Variants in GSE1 observed in about 807,000 individuals in gnomAD.
GSE1 encodes the protein genetic suppressor element 1.
Under a neutral mutation model 112.6 loss-of-function variants are expected in GSE1, and 32 were observed. The ratio of observed to expected loss-of-function variants is 0.28; its 90% CI spans 0.21 to 0.38. The LOEUF (loss-of-function observed/expected upper bound fraction) is 0.38, where lower values mean the gene tolerates loss of function less well. GSE1 is among the 10% of genes least tolerant of loss of function. The pLI is 1.00. For synonymous variants in GSE1, 1,115 were observed against 735.6 expected (o/e 1.52, Z -8.35); for missense variants, 2,348 against 1,699.2 (o/e 1.38, Z -6.71).
chr16:85,491,667 G>A (rs1311865709), intron 2 of GSE1, among the ~76,000 whole-genome samples: 1 of 152,088 alleles, frequency 6.6e-6, no homozygotes, highest in African/African-American at 2.4e-5. Flanking sequence ...TGGAGGAGGT[G>A]AGAAAAGTGG....
At chr16:85,394,825 C>A (rs112207910) in intron 2 of GSE1, among the ~76,000 whole-genome samples, 1 of 152,228 alleles carries the variant, frequency 6.6e-6, no homozygotes, top group South Asian at 2.1e-4. Flanking sequence ...GCATCCCCCT[C>A]CATGCCAGCC....
chr16:85,253,261 G>C (rs1288319113), intron 1 of GSE1, among the ~76,000 whole-genome samples: 3 of 152,246 alleles, frequency 2.0e-5, no homozygotes, highest in African/African-American at 7.2e-5. Context: ...GTGCCCCTCT[G>C]CCCCAGTCCT....
At chr16:85,175,449 T>C (rs2074442341) in intron 1 of GSE1, among the ~76,000 whole-genome samples, 1 of 152,010 alleles carries the variant, frequency 6.6e-6, no homozygotes, top group Non-Finnish European at 1.5e-5. Context: ...CTGCTGGGAG[T>C]CGGCTGTGTG....
At chr16:85,523,980 G>A (rs977235720) in intron 2 of GSE1, among the ~76,000 whole-genome samples, 7 of 152,166 alleles carry the variant, frequency 4.6e-5, no homozygotes, top group African/African-American at 1.7e-4. Flanking sequence ...GGAGGGGAGG[G>A]CTTTTGGGGT....
chr16:85,531,782 C>T (rs545113289), intron 2 of GSE1, among the ~76,000 whole-genome samples: 1 of 152,324 alleles, frequency 6.6e-6, no homozygotes, highest in South Asian at 2.1e-4. Context: ...ACAATGGGCT[C>T]AGGGAGGGGC....
intron 1 of GSE1, among the ~76,000 whole-genome samples, chr16:85,287,781 T>C (rs1472243793): frequency 2.0e-5 from 3 of 152,148 alleles, no homozygotes; most frequent in African/African-American, 4.8e-5. Flanking sequence ...ACTGACCTTG[T>C]ACCTCTTGTC....
intron 1 of GSE1, among the ~76,000 whole-genome samples, chr16:85,558,257 T>C (rs2045333906): frequency 6.6e-6 from 1 of 152,122 alleles, no homozygotes; most frequent in Admixed American, 6.5e-5. Flanking sequence ...TTCTCGTCTG[T>C]CTCCCCCCGG....
At chr16:85,554,779 G>T (rs191588665), upstream of GSE1, 1,987 of 644,582 alleles carry the variant, frequency 3.1e-3, 40 homozygotes, top group African/African-American at 0.035. Flanking sequence ...CAGTCGTGGG[G>T]GGGGAGGGAG....
intron 2 of GSE1, chr16:85,359,495 C>A (rs907250457): frequency 2.2e-6 from 1 of 446,684 alleles, no homozygotes. Flanking sequence ...TCATCCTGAG[C>A]CTCTGTCCTC....
Position 85,655,721 on chromosome 16 carries a change from C to A in GSE1, c.798-5C>A, listed in dbSNP as rs753060939. 1.3e-6 allele frequency: 2 copies of A among 1,591,532 alleles called. No homozygotes were observed. Among genetic ancestry groups the A allele is most frequent in the Admixed American group, 1.7e-5 (1 of 58,368 alleles). On this transcript the variant is annotated splice_polypyrimidine_tract_variant and splice_region_variant and intron_variant, in intron 5 of 15. Transcript: ENST00000253458. ...GCTGCTCACAGCCCCGTCTTCTCTG[C>A]ACAGGATGGACGACTCCTACTGCCT...
rs558933273 is a variant in GSE1, at chr16:85,332,304, A to G, written c.2284-25159A>G. On this transcript the variant is annotated intron_variant, in intron 1 of 2. Coordinates refer to the GSE1 transcript ENST00000637419. ...GCCTTGGTCTCCCACTTACAGACCCAGATGGGTCGAATTCCTCCGTCTCCA... is the reference window on the plus strand; with the variant it reads ...GCCTTGGTCTCCCACTTACAGACCCGGATGGGTCGAATTCCTCCGTCTCCA... 2.6e-4 allele frequency among the ~76,000 whole-genome samples: 39 copies of G among 152,360 alleles called. No individual in the cohort carries two copies. In the South Asian group the frequency reaches 5.0e-3, roughly 19 times the overall value.
chr16:85,442,614 C>T (rs149117652), intron 2 of GSE1, among the ~76,000 whole-genome samples: 92 of 152,222 alleles, frequency 6.0e-4, no homozygotes, highest in African/African-American at 2.0e-3. Context: ...ACAGGTGTGA[C>T]GTGACTGCTG....
At chr16:85,499,633 G>A (rs1043115776) in intron 2 of GSE1, among the ~76,000 whole-genome samples, 1 of 152,126 alleles carries the variant, frequency 6.6e-6, no homozygotes, top group Non-Finnish European at 1.5e-5. Context: ...ATGCACCTCA[G>A]CGTGAATGTA....
chr16:85,200,736 C>G (rs181777527), intron 1 of GSE1, among the ~76,000 whole-genome samples: 1 of 152,316 alleles, frequency 6.6e-6, no homozygotes, highest in Admixed American at 6.5e-5. Context: ...TTTTGTCGTG[C>G]TAAGATGACG....
chr16:85,343,116 A>G (rs1392274026), intron 1 of GSE1, among the ~76,000 whole-genome samples: 1 of 152,050 alleles, frequency 6.6e-6, no homozygotes, highest in Non-Finnish European at 1.5e-5. Context: ...ACCCAAAATC[A>G]GCAAGCAGTT....
intron 2 of GSE1, among the ~76,000 whole-genome samples, chr16:85,644,359 AAG>A (rs1491074573): frequency 2.5e-4 from 38 of 151,566 alleles, no homozygotes; most frequent in East Asian, 1.6e-3. Context: ...AAAAAAAAAA[AAG>A]AGTGTTGGGC....
intron 2 of GSE1, among the ~76,000 whole-genome samples, chr16:85,432,022 C>T (rs537418024): frequency 7.2e-5 from 11 of 152,322 alleles, no homozygotes; most frequent in African/African-American, 7.2e-5. Context: ...AGTGCTGGGA[C>T]GCACACCGGA....
upstream of GSE1, chr16:85,613,121 T>G: frequency 4.3e-5 from 45 of 1,055,860 alleles, no homozygotes; most frequent in East Asian, 2.0e-4. Flanking sequence ...CGCCTGTGTG[T>G]TTGCGGCTGA....
chr16:85,342,036 C>T (rs999006829), intron 1 of GSE1, among the ~76,000 whole-genome samples: 2 of 152,060 alleles, frequency 1.3e-5, no homozygotes, highest in Non-Finnish European at 2.9e-5. Flanking sequence ...CAGGGACTTG[C>T]AGGTGAGCAG....
Sources: gnomAD v4.1 joint callset for allele counts (sites outside exome capture counted in the v4.1 genomes callset) on GRCh38, gnomAD v4.1.1 for gene constraint, MANE v1.5 for transcripts, NCBI Gene and HGNC (gene_info 2026-07-23, HGNC 2026-07-21) for gene names.